The following ZIM2 variants were observed in gnomAD, a reference collection of about 807,000 sequenced individuals.
ZIM2 encodes zinc finger imprinted 2.
A neutral mutation model predicts 38.6 loss-of-function variants in ZIM2; 14 were observed. The ratio of observed to expected loss-of-function variants is 0.36; its 90% confidence interval spans 0.24 to 0.57. The LOEUF (loss-of-function observed/expected upper bound fraction) is 0.57. Among genes scored for constraint, ZIM2 ranks in the 20% least tolerant of loss-of-function variants. The pLI is 0.81. For synonymous variants in ZIM2, 247 were observed against 245.8 expected, an observed-to-expected ratio of 1.00 and a Z score of -0.04; for missense variants, 680 against 695.1, an observed-to-expected ratio of 0.98 and a Z score of 0.24.
rs754877008 is a variant in ZIM2, at chr19:56,822,754, G to A, written c.189C>T (p.Ser63=). The A allele has an allele frequency of 1.9e-6, 3 of 1,614,066 alleles. No homozygotes were observed. In the Admixed American group the frequency reaches 5.0e-5, roughly 27 times the overall value. ...GGAAAGAAAGTGGTTAAGACTCACT[G>A]CTTCTTGGGTTCCTGGTGTGGGACC... The part of the protein sequence containing the change: ...DRWSHTRNPR[S]RMPPRDLSLP... Residue 63 remains serine (S), a splice_region_variant and synonymous_variant, in exon 6 of 13, where the codon AGC becomes AGT. Coordinates refer to ENST00000629319, the MANE Select transcript of ZIM2 (RefSeq NM_001387356.1).
chr19:56,819,280 T>C (rs557217693), intron 7 of ZIM2, among the ~76,000 whole-genome samples: 10 of 152,294 alleles, frequency 6.6e-5, no homozygotes, highest in Non-Finnish European at 1.5e-4. Flanking sequence ...CATGGCTACA[T>C]TGAGGGAGTC....
intron 9 of ZIM2, among the ~76,000 whole-genome samples, chr19:56,794,900 T>C (rs576540357): frequency 1.1e-4 from 16 of 152,348 alleles, no homozygotes; most frequent in African/African-American, 3.6e-4. Context: ...CTGTTGTCAA[T>C]TAGACAGATT....
intron 2 of ZIM2, among the ~76,000 whole-genome samples, chr19:56,835,430 C>G (rs938922901): frequency 2.0e-5 from 3 of 152,154 alleles, no homozygotes; most frequent in Admixed American, 2.0e-4. Flanking sequence ...CAACAACAAC[C>G]CTATCCCCTC....
Position 56,774,812 on chromosome 19 carries a change from G to A in ZIM2, c.1553C>T (p.Thr518Ile). ...CTGGTAAGGCCTCTCTTGAGTGTGA[G>A]TTCTATAATGCTGAATGAGATATGA... ...RNSYLIQHYR[T>I]HTQERPYQCQ... Residue 518 changes from threonine (T) to isoleucine (I), a missense_variant, in exon 13 of 13, where the codon ACT becomes ATT. Thr to Ile is a moderately conservative substitution (Grantham distance 89, BLOSUM62 -1). Transcript: ENST00000629319. 1.2e-6 allele frequency: 2 copies of A among 1,614,154 alleles called. No homozygotes were observed. Among genetic ancestry groups the A allele is most frequent in the Non-Finnish European group, 1.7e-6 (2 of 1,180,026 alleles).
intron 10 of ZIM2, among the ~76,000 whole-genome samples, chr19:56,784,735 T>C (rs1021203198): frequency 5.3e-5 from 8 of 152,214 alleles, no homozygotes; most frequent in Non-Finnish European, 8.8e-5. Context: ...TTGATTCTCA[T>C]TGTCTCATCT....
chr19:56,827,662 T>A (rs1379481081), intron 2 of ZIM2, among the ~76,000 whole-genome samples: 1 of 152,236 alleles, frequency 6.6e-6, no homozygotes, highest in Non-Finnish European at 1.5e-5. Context: ...AGATATGTAA[T>A]GACCTATGTG....
intron 9 of ZIM2, chr19:56,799,616 GA>G (rs2047407059): frequency 6.6e-6 from 1 of 151,738 alleles, no homozygotes. Context: ...ATAAAAGTTG[GA>G]AATAAAAAAA....
chr19:56,824,517 G>C (rs750185882), intron 3 of ZIM2, 90 bp from the exon 4 acceptor site: 1 of 1,614,134 alleles, frequency 6.2e-7, no homozygotes, highest in African/African-American at 1.3e-5. Flanking sequence ...CGAAACCTCT[G>C]ATGAAAAAAC....
chr19:56,788,108 A>T, intron 10 of ZIM2, among the ~76,000 whole-genome samples: 1 of 149,076 alleles, frequency 6.7e-6, no homozygotes, highest in African/African-American at 2.5e-5. Context: ...TATCTCCTTC[A>T]GTTCTGCTCT....
chr19:56,800,784 CTGTG>C (rs2145985784), intron 9 of ZIM2, among the ~76,000 whole-genome samples: 1 of 151,926 alleles, frequency 6.6e-6, no homozygotes, highest in South Asian at 2.1e-4. Flanking sequence ...CATAGATGGT[CTGTG>C]TAAGTTCATG....
chr19:56,818,753 C>A, intron 7 of ZIM2, 51 bp from the exon 8 acceptor site: 1 of 1,590,928 alleles, frequency 6.3e-7, no homozygotes, highest in South Asian at 1.1e-5. Flanking sequence ...CACCGATGTT[C>A]AAAGACAGAA....
At position 56,824,617 on chromosome 19, in the gene ZIM2, C is replaced by CAGAT. The variant is rs762539024; in HGVS notation, c.-150-191_-150-190insATCT. The stretch of plus-strand genomic sequence containing the variant: ...CATACAGATTTGGGGCCCAGGACTT[C>CAGAT]TTAGGTTTGGTGGCAGACAAGTGCT... On this transcript the variant is annotated intron_variant, in intron 3 of 12. Transcript: ENST00000629319. 4.0e-4 allele frequency: 649 copies of CAGAT among 1,607,364 alleles called. 5 individuals are homozygous for CAGAT. The African/African-American group carries it at 7.0e-3, about 17-fold the overall frequency.
intron 9 of ZIM2, chr19:56,812,150 C>T: frequency 2.1e-6 from 2 of 967,038 alleles, no homozygotes; most frequent in Non-Finnish European, 1.2e-6. Context: ...TATTTTTTTT[C>T]CAGCCAACTC....
intron 7 of ZIM2, among the ~76,000 whole-genome samples, chr19:56,820,828 C>G (rs771284916): frequency 6.6e-6 from 1 of 152,218 alleles, no homozygotes; most frequent in African/African-American, 2.4e-5. Flanking sequence ...CACTGCTGTG[C>G]CCCCCAGGGC....
At chr19:56,787,926 G>A (rs1214486581) in intron 10 of ZIM2, among the ~76,000 whole-genome samples, 1 of 151,954 alleles carries the variant, frequency 6.6e-6, no homozygotes, top group South Asian at 2.1e-4. Flanking sequence ...TGTGGGATCA[G>A]TGATGATATC....
Position 56,818,719 on chromosome 19 carries a change from A to G in ZIM2, c.295-17T>C. On this transcript the variant is annotated splice_polypyrimidine_tract_variant and intron_variant, in intron 7 of 12. Transcript: ENST00000629319. ...TTCAGCATCCTAAAACAGCAAACAC[A>G]GACCTCTCAATGGAGTCTGTCCCCA... 1 of 1,613,618 alleles carries G rather than the reference A, an allele frequency of 6.2e-7. No homozygotes were observed. The highest frequency in any genetic ancestry group is 8.5e-7 in the Non-Finnish European group (1 of 1,179,548).
chr19:56,839,096 G>A (rs1259186924), intron 1 of ZIM2, among the ~76,000 whole-genome samples: 1 of 150,508 alleles, frequency 6.6e-6, no homozygotes, highest in Non-Finnish European at 1.5e-5. Flanking sequence ...CTAGGACAGC[G>A]CCTGCGCAGC....
At chr19:56,778,517 CTCTTGAGAATGCT>C (rs2046144220) in intron 12 of ZIM2, among the ~76,000 whole-genome samples, 1 of 152,220 alleles carries the variant, frequency 6.6e-6, no homozygotes, top group African/African-American at 2.4e-5. Context: ...TGCTTCCTCT[CTCTTGAGAATGCT>C]TCTTGGACAC....
intron 9 of ZIM2, chr19:56,813,933 T>C (rs1035781751): frequency 1.1e-5 from 18 of 1,614,210 alleles, no homozygotes; most frequent in Non-Finnish European, 1.5e-5. Context: ...AGTCATAGTA[T>C]GGTTCTTCTA....
Sources: gnomAD v4.1 joint callset for allele counts (sites outside exome capture counted in the v4.1 genomes callset) on GRCh38, gnomAD v4.1.1 for gene constraint, MANE v1.5 for transcripts, NCBI Gene and HGNC (gene_info 2026-07-23, HGNC 2026-07-21) for gene names.